USF3: variants seen among roughly 807,000 people sequenced by gnomAD.
The protein encoded by USF3 is upstream transcription factor family member 3.
USF3 carries 29 observed loss-of-function variants against 157.5 expected under a neutral mutation model. That is an observed-to-expected ratio of 0.18 (90% CI 0.14 to 0.25). The LOEUF is 0.25. Ranked by LOEUF, USF3 falls within the 10% of genes least tolerant of loss-of-function variation. The pLI, the probability that USF3 is intolerant of heterozygous loss-of-function variation, is 1.00. For missense variants in USF3, 2,381 were observed against 2,667.6 expected (o/e 0.89, Z 2.37); for synonymous variants, 893 against 941.4 (o/e 0.95, Z 0.94).
rs372140377 is a variant in USF3, at chr3:113,657,929, G to A, written c.3753C>T (p.Ser1251=). 160 of 1,614,190 alleles carry A rather than the reference G, an allele frequency of 9.9e-5. 1 individual carries two copies. The African/African-American group carries it at 2.0e-3, about 20-fold the overall frequency. The change falls in exon 7 of 7, where the codon AGC becomes AGT. Residue 1251 remains serine (S), a synonymous_variant. Coordinates refer to ENST00000316407, the MANE Select transcript of USF3 (RefSeq NM_001009899.4). ...AACCCGCACAGCTGGCCAGAGGATG[G>A]CTGATGCTGCTCTGATGGATAAGAT... ...VNNLIHQSSI[S]HPLASCAGLS...
intron 5 of USF3, 99 bp from the exon 6 acceptor site, chr3:113,664,508 G>C (rs554191627): frequency 8.8e-6 from 5 of 568,462 alleles, no homozygotes; most frequent in Non-Finnish European, 1.5e-5. Flanking sequence ...TATATGATAC[G>C]TATCTTCTCA....
rs546634766 is a variant in USF3 at position 113,688,757 on chromosome 3, C to T, written c.-135+7613G>A. On this transcript the variant is annotated intron_variant, in intron 1 of 6. Transcript: ENST00000316407. The stretch of plus-strand genomic sequence containing the variant: ...GCCACTGCGGTCATTAATACAGATG[C>T]TGGCTGGGCGCGGTGGCTCACGCCT... Among the ~76,000 whole-genome samples the T allele has an allele frequency of 6.6e-5, 10 of 152,290 alleles. No individual in the cohort carries two copies. In the East Asian group the frequency reaches 1.9e-3, roughly 29 times the overall value.
chr3:113,671,548 A>G (rs532771137), intron 4 of USF3, among the ~76,000 whole-genome samples: 7 of 152,224 alleles, frequency 4.6e-5, no homozygotes, highest in Non-Finnish European at 1.0e-4. Flanking sequence ...TAATTTCTAT[A>G]AGACTCTGTA....
rs942647937 is a variant in USF3, at chr3:113,648,455, T to C, written c.*6489A>G. 4.6e-5 allele frequency: 7 copies of C among 152,634 alleles called. No individual in the cohort carries two copies. The highest frequency in any genetic ancestry group is 2.1e-4 in the South Asian group (1 of 4,836). The allele number at this position is 152,634 out of a possible 1,614,324, so 9.5% of individuals were successfully genotyped here. On this transcript the variant is annotated 3_prime_UTR_variant, in exon 7 of 7. Transcript: ENST00000316407. Reference sequence around the variant, plus strand: ...ATATTCATATCTATACAAATAATTATTACAACCATTAAAATGTTACATTTA... The same window carrying C: ...ATATTCATATCTATACAAATAATTACTACAACCATTAAAATGTTACATTTA...
chr3:113,670,081 G>A (rs1163045340), intron 5 of USF3, 40 bp downstream of exon 5: 5 of 1,320,778 alleles, frequency 3.8e-6, no homozygotes, highest in Non-Finnish European at 5.5e-6. Flanking sequence ...GGAATTGTCT[G>A]TTCATAAGTA....
chr3:113,695,840 G>GA (rs1707785003), intron 1 of USF3, among the ~76,000 whole-genome samples: 1 of 152,182 alleles, frequency 6.6e-6, no homozygotes, highest in South Asian at 2.1e-4. Flanking sequence ...CTTCTACTCA[G>GA]AAAGCAAAAG....
In USF3 at chr3:113,660,416, T is replaced by A; in HGVS notation, c.1266A>T (p.Arg422=). 6.2e-7 allele frequency: 1 copy of A among 1,614,186 alleles called. No homozygotes were observed. Among genetic ancestry groups the A allele is most frequent in the African/African-American group, 1.3e-5 (1 of 75,044 alleles). The change falls in exon 7 of 7, where the codon CGA becomes CGT. Residue 422 remains arginine (R), a synonymous_variant. Transcript: ENST00000316407. ...TCTGTGTGTTTCCAGCTGAAGAGATTCGTGTAAGGCTATTAATGTTTTTCA... is the reference window on the plus strand; with the variant it reads ...TCTGTGTGTTTCCAGCTGAAGAGATACGTGTAAGGCTATTAATGTTTTTCA... ...SDLKNINSLT[R]ISSAGNTQTT... is the part of the protein sequence containing the mutation.
intron 4 of USF3, among the ~76,000 whole-genome samples, chr3:113,672,146 T>G (rs111660648): frequency 6.6e-6 from 1 of 150,998 alleles, no homozygotes; most frequent in African/African-American, 2.4e-5. Context: ...TTTTTTTTTT[T>G]CTTTTTTTTT....
rs772135940 is a variant in USF3 at position 113,659,030 on chromosome 3, C to G, written c.2652G>C (p.Lys884Asn). 11 of 1,613,990 alleles carry G rather than the reference C, an allele frequency of 6.8e-6. No homozygotes were observed. In the African/African-American group the frequency reaches 1.3e-4, roughly 20 times the overall value. The change falls in exon 7 of 7, where the codon AAG becomes AAC. Residue 884 changes from lysine to asparagine, a missense_variant. Transcript: ENST00000316407. The part of the protein sequence containing the change: ...SLIPESVSKS[K>N]SAEKSSPPSQ... ...AGGGTGGGCTGGACTTTTCTGCTGA[C>G]TTAGATTTCGATACAGACTCAGGTA... is the stretch of plus-strand genomic sequence containing the variant.
chr3:113,652,887 G>A lies in USF3; in HGVS notation c.*2057C>T. The stretch of plus-strand genomic sequence containing the variant: ...TCAAGAATTTGCTTGAACCCAGGAG[G>A]CAGAGGCTGCAGTGAGCCAAGATCC... On this transcript the variant is annotated 3_prime_UTR_variant, in exon 7 of 7. Transcript: ENST00000316407. 5.5e-6 allele frequency: 2 copies of A among 362,234 alleles called. No individual in the cohort carries two copies. The highest frequency in any genetic ancestry group is 1.0e-5 in the Non-Finnish European group (2 of 197,296). The allele number at this position is 362,234 out of a possible 1,614,324, so 22.4% of individuals were successfully genotyped here. A position where few individuals can be genotyped will look rare whatever the true frequency, so the allele number is the denominator to read the frequency against.
Position 113,654,074 on chromosome 3 carries a change from A to T in USF3, c.*870T>A, listed in dbSNP as rs1947311464. 2 of 152,538 alleles carry T rather than the reference A, an allele frequency of 1.3e-5. No homozygotes were observed. Among genetic ancestry groups the T allele is most frequent in the Admixed American group, 1.3e-4 (2 of 15,290 alleles). 9.4% of individuals were successfully genotyped at this position (152,538 alleles called of 1,614,324 possible). On this transcript the variant is annotated 3_prime_UTR_variant, in exon 7 of 7. Transcript: ENST00000316407. ...TCAAGACCAAATAAATAGAATGAAG[A>T]GAGAATACTAAATTAAACTCAGCTG...
At chr3:113,670,633 G>A (rs906143329) in intron 4 of USF3, among the ~76,000 whole-genome samples, 8 of 151,928 alleles carry the variant, frequency 5.3e-5, no homozygotes, top group African/African-American at 1.2e-4. Flanking sequence ...GAAGGGGAGC[G>A]GAAGGGGAAG....
chr3:113,685,116 C>T (rs1577052079), intron 1 of USF3, among the ~76,000 whole-genome samples: 1 of 152,138 alleles, frequency 6.6e-6, no homozygotes, highest in African/African-American at 2.4e-5. Flanking sequence ...TGCAGAGGTA[C>T]CACTTTAGCG....
chr3:113,658,224 A>T lies in USF3; in HGVS notation c.3458T>A (p.Leu1153His). ...AGCAACTTCCCTTATATCAGCCTGG[A>T]GGCCAACTCTCCCCTTCTCAAGGTT... ...QENLEKGRVG[L>H]QADIREVASK... Residue 1153 changes from leucine to histidine, a missense_variant, in exon 7 of 7, where the codon CTC becomes CAC. By Grantham distance (99) the Leu-to-His change is moderately conservative. Coordinates refer to ENST00000316407, the MANE Select transcript of USF3 (RefSeq NM_001009899.4). The T allele has an allele frequency of 6.2e-7, 1 of 1,614,114 alleles. No homozygotes were observed. Among genetic ancestry groups the T allele is most frequent in the Non-Finnish European group, 8.5e-7 (1 of 1,180,000 alleles).
intron 5 of USF3, among the ~76,000 whole-genome samples, chr3:113,666,449 C>T (rs1324299388): frequency 2.0e-5 from 3 of 148,528 alleles, no homozygotes; most frequent in Non-Finnish European, 4.5e-5. Context: ...GACGGGGTTT[C>T]ACCATGTTGG....
rs974751038 is a variant in USF3, at chr3:113,676,678, G to A, written c.-19+604C>T. On this transcript the variant is annotated intron_variant, in intron 2 of 6. Transcript: ENST00000316407. ...ATGAGTCTACCAAGTTGGGATACCT[G>A]CTGTGGTACACTGGAGGAGGTGCAA... Among the ~76,000 whole-genome samples, 3 of 152,154 alleles carry A rather than the reference G, an allele frequency of 2.0e-5. No individual in the cohort carries two copies. In the South Asian group the frequency reaches 6.2e-4, roughly 32 times the overall value.
intron 1 of USF3, among the ~76,000 whole-genome samples, chr3:113,695,592 A>G (rs7650764): frequency 0.38 from 57,253 of 152,070 alleles, 10,815 homozygotes; most frequent in African/African-American, 0.41. Flanking sequence ...AAAATGTTAC[A>G]AGAACGGAAG....
In USF3 at chr3:113,654,874, G is replaced by A. The variant is rs1202679656; in HGVS notation, c.*70C>T. The A allele has an allele frequency of 6.8e-7, 1 of 1,477,806 alleles. No homozygotes were observed. The highest frequency in any genetic ancestry group is 9.2e-7 in the Non-Finnish European group (1 of 1,086,998). The allele number at this position is 1,477,806 out of a possible 1,614,324, so 91.5% of individuals were successfully genotyped here. On this transcript the variant is annotated 3_prime_UTR_variant, in exon 7 of 7. Coordinates refer to ENST00000316407, the MANE Select transcript of USF3 (RefSeq NM_001009899.4). ...ACACAATCCTTCTCTTCATGTACAT[G>A]TCTGTGCACATGCACGCACAAATAC... is the stretch of plus-strand genomic sequence containing the variant.
rs904369017 is a variant in USF3 at position 113,651,025 on chromosome 3, G to A, written c.*3919C>T. On this transcript the variant is annotated 3_prime_UTR_variant, in exon 7 of 7. Coordinates refer to ENST00000316407, the MANE Select transcript of USF3 (RefSeq NM_001009899.4). ...ACTTGTGTTTTCCAAAAAAAAGAAA[G>A]AAAGAAACAACATCAAACTAGATTC... The A allele has an allele frequency of 6.6e-6, 1 of 152,010 alleles. No homozygotes were observed. Among genetic ancestry groups the A allele is most frequent in the African/African-American group, 2.4e-5 (1 of 41,396 alleles). The allele number at this position is 152,010 out of a possible 1,614,324, so 9.4% of individuals were successfully genotyped here.
Sources: gnomAD v4.1 joint callset for allele counts (sites outside exome capture counted in the v4.1 genomes callset) on GRCh38, gnomAD v4.1.1 for gene constraint, MANE v1.5 for transcripts, NCBI Gene and HGNC (gene_info 2026-07-23, HGNC 2026-07-21) for gene names.